SLC8A1: variants seen among roughly 807,000 people sequenced by gnomAD.
SLC8A1 encodes the protein solute carrier family 8 member A1.
In SLC8A1, 18 loss-of-function variants were observed where a neutral mutation model predicts 68.3. That is an observed-to-expected ratio of 0.26 (90% CI 0.18 to 0.39). The LOEUF (loss-of-function observed/expected upper bound fraction) is 0.39, where lower values mean the gene tolerates loss of function less well. Ranked by LOEUF, SLC8A1 falls within the 10% of genes least tolerant of loss-of-function variation. The pLI is 1.00. For synonymous variants in SLC8A1, 475 were observed against 415.5 expected (o/e 1.14, Z -1.74); for missense variants, 985 against 1,156.7 (o/e 0.85, Z 2.15).
At chr2:40,268,023 G>A (rs978265681) in intron 2 of SLC8A1, among the ~76,000 whole-genome samples, 4 of 152,116 alleles carry the variant, frequency 2.6e-5, no homozygotes, top group Admixed American at 1.3e-4. Flanking sequence ...GAATTACGAT[G>A]GGCATTTTAC....
intron 2 of SLC8A1, among the ~76,000 whole-genome samples, chr2:40,326,978 G>A (rs1241878362): frequency 2.6e-5 from 4 of 152,016 alleles, no homozygotes; most frequent in Non-Finnish European, 5.9e-5. Context: ...ACAATATTAG[G>A]TCCTCCATAG....
At chr2:40,433,810 G>C (rs943841024) in intron 1 of SLC8A1, among the ~76,000 whole-genome samples, 8 of 152,142 alleles carry the variant, frequency 5.3e-5, no homozygotes, top group African/African-American at 1.9e-4. Flanking sequence ...GAACTATTGG[G>C]GTTGGCTTGG....
chr2:40,445,348 C>G (rs1391518981), intron 1 of SLC8A1, among the ~76,000 whole-genome samples: 1 of 152,100 alleles, frequency 6.6e-6, no homozygotes. Flanking sequence ...GATGAAAAGT[C>G]GTAGTTCCCT....
At chr2:40,145,335 T>G (rs1251464797) in intron 6 of SLC8A1, among the ~76,000 whole-genome samples, 1 of 152,182 alleles carries the variant, frequency 6.6e-6, no homozygotes, top group Admixed American at 6.6e-5. Flanking sequence ...CATTTCTGGT[T>G]GCCAAAGGTC....
chr2:40,175,164 C>T, intron 3 of SLC8A1, 97 bp downstream of exon 4: 1 of 1,245,130 alleles, frequency 8.0e-7, no homozygotes, highest in Non-Finnish European at 1.2e-6. Context: ...GCTAGCAAGT[C>T]AAGAGAAATA....
intron 2 of SLC8A1, among the ~76,000 whole-genome samples, chr2:40,338,542 G>A (rs1319073493): frequency 6.6e-6 from 1 of 152,082 alleles, no homozygotes; most frequent in East Asian, 1.9e-4. Context: ...TTTTATTTCT[G>A]CTCTGTAAAC....
chr2:40,349,657 T>C (rs1340525163), intron 2 of SLC8A1, among the ~76,000 whole-genome samples: 1 of 152,102 alleles, frequency 6.6e-6, no homozygotes, highest in Non-Finnish European at 1.5e-5. Context: ...ATGTAAGAAG[T>C]GTTCAGTAAG....
At chr2:40,176,289 G>T (rs909036619) in intron 3 of SLC8A1, among the ~76,000 whole-genome samples, 2 of 152,102 alleles carry the variant, frequency 1.3e-5, no homozygotes, top group Non-Finnish European at 2.9e-5. Context: ...ACTGGATAGT[G>T]CTATTAAGGA....
At position 40,202,739 on chromosome 2, in the gene SLC8A1, G is replaced by T. The variant is rs75179805; in HGVS notation, c.1809-24884C>A. Among the ~76,000 whole-genome samples the T allele has an allele frequency of 5.8e-3, 879 of 152,022 alleles. 12 individuals carry two copies. Among genetic ancestry groups the T allele is most frequent in the African/African-American group, 0.02 (830 of 41,492 alleles). ...CAAACAGGGAGAGACCTACTTCCTG[G>T]TGTCAATGAAATTACAGCTCTAAAG... is the stretch of plus-strand genomic sequence containing the variant. On this transcript the variant is annotated intron_variant, in intron 2 of 7. Transcript: ENST00000406785.
intron 2 of SLC8A1, among the ~76,000 whole-genome samples, chr2:40,219,673 G>T (rs1228732621): frequency 2.6e-5 from 4 of 152,090 alleles, no homozygotes; most frequent in Non-Finnish European, 5.9e-5. Flanking sequence ...CTAATAAGTT[G>T]TTAGCCAATC....
chr2:40,498,194 C>T (rs76460266), intron 1 of SLC8A1, among the ~76,000 whole-genome samples: 410 of 152,000 alleles, frequency 2.7e-3, no homozygotes, highest in Non-Finnish European at 3.4e-3. Flanking sequence ...CTTTAGACTC[C>T]GCAGAAATGG....
intron 2 of SLC8A1, among the ~76,000 whole-genome samples, chr2:40,259,218 G>A (rs1265359184): frequency 2.6e-5 from 4 of 151,886 alleles, no homozygotes; most frequent in South Asian, 4.1e-4. Flanking sequence ...CCTAGCTGAT[G>A]TTCTGAGCTG....
At chr2:40,402,086 G>C (rs755004655) in intron 2 of SLC8A1, among the ~76,000 whole-genome samples, 3 of 152,254 alleles carry the variant, frequency 2.0e-5, no homozygotes, top group Admixed American at 2.0e-4. Flanking sequence ...CACAGGACGC[G>C]ATACAGGTCA....
At chr2:40,387,616 A>C (rs1242990357) in intron 2 of SLC8A1, among the ~76,000 whole-genome samples, 2 of 151,362 alleles carry the variant, frequency 1.3e-5, no homozygotes, top group Admixed American at 6.6e-5. Flanking sequence ...ATTATGTTGA[A>C]CTAGACTTAT....
intron 2 of SLC8A1, among the ~76,000 whole-genome samples, chr2:40,372,406 C>T (rs1413503686): frequency 2.0e-5 from 3 of 152,192 alleles, no homozygotes; most frequent in African/African-American, 7.2e-5. Flanking sequence ...GTGACACTTT[C>T]CTTTTTAAGT....
chr2:40,443,328 T>C (rs1028680684), intron 1 of SLC8A1, among the ~76,000 whole-genome samples: 2 of 152,072 alleles, frequency 1.3e-5, no homozygotes, highest in African/African-American at 4.8e-5. Context: ...AATGTGACTA[T>C]AAAACTAAGT....
intron 1 of SLC8A1, among the ~76,000 whole-genome samples, chr2:40,448,866 A>G (rs1225367707): frequency 6.6e-6 from 1 of 152,226 alleles, no homozygotes; most frequent in Non-Finnish European, 1.5e-5. Flanking sequence ...GGAAGAGTAG[A>G]GAGATAATAG....
chr2:40,108,628 G>A (rs1457281938), exon 8 of SLC8A1: 3 of 152,074 alleles, frequency 2.0e-5, no homozygotes, highest in Non-Finnish European at 2.9e-5. Context: ...GGAGAGCAAG[G>A]TATCTACAGA....
At chr2:40,238,816 A>G (rs2060808416) in intron 2 of SLC8A1, among the ~76,000 whole-genome samples, 1 of 152,160 alleles carries the variant, frequency 6.6e-6, no homozygotes, top group Admixed American at 6.5e-5. Context: ...ATTAATGTAT[A>G]TCATTATATA....
Sources: gnomAD v4.1 joint callset for allele counts (sites outside exome capture counted in the v4.1 genomes callset) on GRCh38, gnomAD v4.1.1 for gene constraint, MANE v1.5 for transcripts, NCBI Gene and HGNC (gene_info 2026-07-23, HGNC 2026-07-21) for gene names.